Variants in ARHGEF9 observed in about 807,000 individuals in gnomAD.
ARHGEF9 encodes the protein rho guanine nucleotide exchange factor 9.
In ARHGEF9, 2 loss-of-function variants were observed where a neutral mutation model predicts 41.3. That is an observed-to-expected ratio of 0.05 (90% CI 0.02 to 0.15). The LOEUF (loss-of-function observed/expected upper bound fraction) is 0.15, where lower values mean the gene tolerates loss of function less well. ARHGEF9 is among the 10% of genes least tolerant of loss of function. The pLI, the probability that ARHGEF9 is intolerant of heterozygous loss-of-function variation, is 1.00. For synonymous variants in ARHGEF9, 160 were observed against 154.4 expected, an observed-to-expected ratio of 1.04 and a Z score of -0.27; for missense variants, 225 against 424.7, an observed-to-expected ratio of 0.53 and a Z score of 4.13.
chrX:63,706,172 C>A (rs1379641162), intron 3 of ARHGEF9, 86 bp downstream of exon 3: 1 of 1,052,409 alleles, frequency 9.5e-7, no homozygotes, highest in Admixed American at 2.6e-5. Flanking sequence ...TGTGCCCTTT[C>A]CAACATCTTG....
intron 1 of ARHGEF9, chrX:63,754,796 G>T: frequency 1.1e-6 from 1 of 944,369 alleles, no homozygotes; most frequent in Non-Finnish European, 1.3e-6. Flanking sequence ...CTCAGGATTG[G>T]GCTGATCGTT....
chrX:63,766,994 C>T (rs2056123968), intron 1 of ARHGEF9: 1 of 681,381 alleles, frequency 1.5e-6, no homozygotes, highest in East Asian at 3.5e-5. Flanking sequence ...TTCAGTTCTC[C>T]TTAAAGAAGT....
At chrX:63,754,810 C>G in intron 1 of ARHGEF9, 2 of 940,638 alleles carry the variant, frequency 2.1e-6, no homozygotes, top group Non-Finnish European at 2.6e-6. Flanking sequence ...GATCGTTTGT[C>G]CCTAGCTGAG....
chrX:63,645,424 T>A (rs1194353164), intron 8 of ARHGEF9, among the ~76,000 whole-genome samples: 1 of 110,999 alleles, frequency 9.0e-6, no homozygotes, highest in Non-Finnish European at 1.9e-5. Context: ...TTCCCCTTCC[T>A]GTGTCCATGT....
At chrX:63,768,814 T>G (rs1414923225) in intron 1 of ARHGEF9, among the ~76,000 whole-genome samples, 1 of 112,028 alleles carries the variant, frequency 8.9e-6, no homozygotes, top group Non-Finnish European at 1.9e-5. Context: ...CCACTTAAAA[T>G]GTAACTTGCT....
intron 6 of ARHGEF9, among the ~76,000 whole-genome samples, chrX:63,669,361 C>T (rs782498434): frequency 3.6e-5 from 4 of 112,104 alleles, no homozygotes; most frequent in African/African-American, 6.5e-5. Context: ...GGCCACATCT[C>T]ATTGATCTCA....
At chrX:63,755,136 C>T (rs1356833296) in intron 1 of ARHGEF9, 2 of 937,539 alleles carry the variant, frequency 2.1e-6, no homozygotes, top group African/African-American at 2.0e-5. Context: ...CCGCTCAGCC[C>T]ATAGGCTGCC....
chrX:63,720,840 T>A (rs1227790509), intron 2 of ARHGEF9, among the ~76,000 whole-genome samples: 1 of 112,579 alleles, frequency 8.9e-6, no homozygotes, highest in Non-Finnish European at 1.9e-5. Flanking sequence ...ATTAACATTT[T>A]TTTAAATATA....
intron 4 of ARHGEF9, among the ~76,000 whole-genome samples, chrX:63,686,617 T>C (rs1393415628): frequency 2.7e-5 from 3 of 111,915 alleles, no homozygotes; most frequent in Non-Finnish European, 5.6e-5. Context: ...TGGGATATAA[T>C]GTCTGCAAAT....
Position 63,655,791 on chromosome X carries a change from G to A in ARHGEF9, c.1078-54C>T, listed in dbSNP as rs56058932. The stretch of plus-strand genomic sequence containing the variant: ...GGTATGTGCACGGCGAGTACTAGAA[G>A]AGTTGGCACAGGGGCACAGCAGAAT... On this transcript the variant is annotated intron_variant, in intron 7 of 9. Coordinates refer to ENST00000671741, the MANE Select transcript of ARHGEF9 (RefSeq NM_001353921.2). 2.5e-4 allele frequency: 301 copies of A among 1,181,622 alleles called. 1 individual carries two copies. The African/African-American group carries it at 3.3e-3, about 13-fold the overall frequency.
At chrX:63,646,667 A>G (rs1311633618) in intron 8 of ARHGEF9, among the ~76,000 whole-genome samples, 2 of 111,766 alleles carry the variant, frequency 1.8e-5, no homozygotes. Context: ...GTAGCGTGAT[A>G]GCTCCAGCTT....
chrX:63,636,897 C>G lies in ARHGEF9; in HGVS notation c.*1131G>C, dbSNP rs1390934584. On this transcript the variant is annotated 3_prime_UTR_variant, in exon 10 of 10. Transcript: ENST00000671741. Reference sequence around the variant, plus strand: ...CTCTGTCTTGAACCCCTCCATACTTCTATCAATGCTGCCCAAACATCTGTA... The same window carrying G: ...CTCTGTCTTGAACCCCTCCATACTTGTATCAATGCTGCCCAAACATCTGTA... 6.8e-6 allele frequency: 2 copies of G among 295,437 alleles called. No homozygotes were observed. The highest frequency in any genetic ancestry group is 5.5e-5 in the African/African-American group (2 of 36,221). The allele number at this position is 295,437 out of a possible 1,213,427, so 24.3% of individuals were successfully genotyped here. A position where few individuals can be genotyped will look rare whatever the true frequency, so the allele number is the denominator to read the frequency against.
At chrX:63,661,232 G>A (rs1302432192) in intron 7 of ARHGEF9, among the ~76,000 whole-genome samples, 1 of 112,012 alleles carries the variant, frequency 8.9e-6, no homozygotes, top group South Asian at 3.7e-4. Context: ...AGTGCAAGAA[G>A]AAATTGTCCA....
intron 1 of ARHGEF9, among the ~76,000 whole-genome samples, chrX:63,744,739 T>A (rs1415817622): frequency 8.9e-6 from 1 of 112,105 alleles, no homozygotes; most frequent in African/African-American, 3.2e-5. Context: ...CTAGCCCCAG[T>A]TGCTTTCCTC....
At chrX:63,706,584 T>C (rs2052561381) in intron 2 of ARHGEF9, 135 bp from the exon 3 acceptor site, 4 of 750,161 alleles carry the variant, frequency 5.3e-6, no homozygotes, top group Admixed American at 3.0e-5. Flanking sequence ...CAAGTAGAAT[T>C]CGAAACCTGG....
intron 4 of ARHGEF9, among the ~76,000 whole-genome samples, chrX:63,690,012 T>A (rs1375155683): frequency 9.0e-6 from 1 of 110,801 alleles, no homozygotes; most frequent in Non-Finnish European, 1.9e-5. Context: ...AAGAGGAAAA[T>A]TTATGGCAAT....
intron 4 of ARHGEF9, among the ~76,000 whole-genome samples, chrX:63,686,046 A>G (rs1194037876): frequency 8.9e-6 from 1 of 111,943 alleles, no homozygotes; most frequent in Non-Finnish European, 1.9e-5. Context: ...AAATCATTAT[A>G]TCAAAGGAAT....
chrX:63,745,176 G>A (rs1326652656), intron 1 of ARHGEF9, among the ~76,000 whole-genome samples: 4 of 110,758 alleles, frequency 3.6e-5, no homozygotes, highest in Non-Finnish European at 1.9e-5. Flanking sequence ...GAGGTACATG[G>A]CTTTCCTTTC....
At chrX:63,710,151 A>G (rs1413321595) in intron 2 of ARHGEF9, among the ~76,000 whole-genome samples, 3 of 110,320 alleles carry the variant, frequency 2.7e-5, no homozygotes, top group African/African-American at 9.9e-5. Flanking sequence ...AATAAATTAC[A>G]TAACCTGATG....
Sources: gnomAD v4.1 joint callset for allele counts (sites outside exome capture counted in the v4.1 genomes callset) on GRCh38, gnomAD v4.1.1 for gene constraint, MANE v1.5 for transcripts, NCBI Gene and HGNC (gene_info 2026-07-23, HGNC 2026-07-21) for gene names.